The following CTNNA3 variants were observed in gnomAD, a reference collection of about 807,000 sequenced individuals.
The protein encoded by CTNNA3 is catenin alpha-3.
A neutral mutation model predicts 95.7 loss-of-function variants in CTNNA3; 76 were observed. The observed-to-expected ratio is 0.79, with a 90% confidence interval of 0.66 to 0.96. CTNNA3 has a LOEUF of 0.96. Among genes scored for constraint, CTNNA3 ranks in the 40% least tolerant of loss-of-function variants. The probability of loss-of-function intolerance (pLI) is 0.00; values close to 1 mark genes in which losing one functional copy is unlikely to be tolerated. For synonymous variants in CTNNA3, 431 were observed against 374.4 expected (o/e 1.15, Z -1.74); for missense variants, 1,191 against 1,089.8 (o/e 1.09, Z -1.31).
intron 7 of CTNNA3, among the ~76,000 whole-genome samples, chr10:66,981,699 G>T (rs558100900): frequency 6.6e-6 from 1 of 152,300 alleles, no homozygotes; most frequent in African/African-American, 2.4e-5. Context: ...ACATCAAATG[G>T]ATGGAACCTA....
At chr10:66,912,653 T>C (rs990073498) in intron 7 of CTNNA3, among the ~76,000 whole-genome samples, 1 of 152,154 alleles carries the variant, frequency 6.6e-6, no homozygotes, top group Non-Finnish European at 1.5e-5. Context: ...TATAGTAAGA[T>C]ATAACCCCCA....
intron 7 of CTNNA3, among the ~76,000 whole-genome samples, chr10:67,133,176 T>G (rs1055207123): frequency 2.6e-5 from 4 of 151,182 alleles, no homozygotes; most frequent in African/African-American, 7.3e-5. Context: ...AAAACTCATA[T>G]GTACTCCGTA....
At chr10:67,131,367 T>C (rs756017527) in intron 7 of CTNNA3, among the ~76,000 whole-genome samples, 21 of 152,134 alleles carry the variant, frequency 1.4e-4, no homozygotes, top group Non-Finnish European at 2.6e-4. Flanking sequence ...ATTGTTTTGG[T>C]TATCAAGCAA....
intron 13 of CTNNA3, among the ~76,000 whole-genome samples, chr10:66,226,890 A>G (rs988443836): frequency 3.9e-5 from 6 of 151,922 alleles, no homozygotes; most frequent in Non-Finnish European, 2.9e-5. Context: ...GAGACTAATT[A>G]TTTTTGCTCA....
rs554810912 is a variant in CTNNA3 at position 65,979,746 on chromosome 10, G to A, written c.2265+8946C>T. On this transcript the variant is annotated intron_variant, in intron 16 of 17. Transcript: ENST00000433211. Reference sequence around the variant, plus strand: ...ACACTGTTTCAGTGAAAAAATGTCAGACATTACATAAAGGGGAAAAGAGTA... The same window carrying A: ...ACACTGTTTCAGTGAAAAAATGTCAAACATTACATAAAGGGGAAAAGAGTA... 1.7e-4 allele frequency among the ~76,000 whole-genome samples: 26 copies of A among 152,118 alleles called. No individual in the cohort carries two copies. In the South Asian group the frequency reaches 5.2e-3, roughly 30 times the overall value.
intron 5 of CTNNA3, among the ~76,000 whole-genome samples, chr10:67,343,679 T>C (rs892804891): frequency 6.6e-6 from 1 of 151,978 alleles, no homozygotes; most frequent in Admixed American, 6.6e-5. Context: ...TTTCCAAATA[T>C]AAGATGATAT....
At chr10:66,242,264 A>T (rs1361508499) in intron 13 of CTNNA3, among the ~76,000 whole-genome samples, 6 of 152,212 alleles carry the variant, frequency 3.9e-5, no homozygotes, top group African/African-American at 1.4e-4. Context: ...TACCTGAAAC[A>T]ACAGAAAATA....
intron 12 of CTNNA3, among the ~76,000 whole-genome samples, chr10:66,360,743 TCTTC>T (rs779687190): frequency 0.34 from 13,060 of 38,234 alleles, 2,705 homozygotes; most frequent in African/African-American, 0.45. Flanking sequence ...TTTCTTTCTT[TCTTC>T]CTTCCTTCCT....
chr10:66,342,106 T>A (rs1401852662), intron 12 of CTNNA3, among the ~76,000 whole-genome samples: 52 of 152,032 alleles, frequency 3.4e-4, no homozygotes. Flanking sequence ...TTTCTAATTC[T>A]TAGTTGCATG....
chr10:67,288,651 G>A (rs2132461832), intron 5 of CTNNA3, among the ~76,000 whole-genome samples: 1 of 152,196 alleles, frequency 6.6e-6, no homozygotes, highest in African/African-American at 2.4e-5. Flanking sequence ...ACAATAAACT[G>A]CAAAAAATCA....
chr10:66,467,031 G>T (rs1911301), intron 11 of CTNNA3, among the ~76,000 whole-genome samples: 6 of 151,996 alleles, frequency 3.9e-5, no homozygotes, highest in African/African-American at 1.5e-4. Context: ...CTAGCACACA[G>T]TAGGCATGCA....
intron 12 of CTNNA3, among the ~76,000 whole-genome samples, chr10:66,320,781 A>G (rs2092172068): frequency 6.6e-6 from 1 of 152,190 alleles, no homozygotes; most frequent in South Asian, 2.1e-4. Context: ...AAGAGAAAAT[A>G]TTGCCAAATG....
chr10:67,001,659 G>C (rs1279839767), intron 7 of CTNNA3, among the ~76,000 whole-genome samples: 4 of 152,110 alleles, frequency 2.6e-5, no homozygotes, highest in Non-Finnish European at 4.4e-5. Flanking sequence ...GTTACCACAA[G>C]ACAACTTTAG....
At chr10:67,353,884 C>T (rs1441867947) in intron 5 of CTNNA3, among the ~76,000 whole-genome samples, 1 of 151,962 alleles carries the variant, frequency 6.6e-6, no homozygotes, top group East Asian at 1.9e-4. Flanking sequence ...AAAAATAAGT[C>T]TCAGCCACTG....
chr10:66,199,584 T>C (rs1446452208), intron 13 of CTNNA3, among the ~76,000 whole-genome samples: 2 of 150,708 alleles, frequency 1.3e-5, no homozygotes, highest in Non-Finnish European at 3.0e-5. Flanking sequence ...TCAGACCAAA[T>C]AGTTTGTTTG....
At position 66,281,722 on chromosome 10, in the gene CTNNA3, AT is replaced by A. The variant is rs1159038084; in HGVS notation, c.1733-1102del. ...TGTTATTTTTCTACATTTAAGTTGT[AT>A]CTGCTTGTATGGCATACCATCTCTT... On this transcript the variant is annotated intron_variant, in intron 12 of 17. Transcript: ENST00000433211. 2.6e-5 allele frequency among the ~76,000 whole-genome samples: 4 copies of A among 151,890 alleles called. No individual in the cohort carries two copies. In the East Asian group the frequency reaches 5.8e-4, roughly 22 times the overall value.
chr10:67,494,218 T>A (rs187139820), intron 5 of CTNNA3, among the ~76,000 whole-genome samples: 5 of 152,318 alleles, frequency 3.3e-5, no homozygotes, highest in Admixed American at 3.3e-4. Flanking sequence ...TGCTTTATAA[T>A]TTGAAAGTTG....
At chr10:67,698,997 G>A (rs1841011544), upstream of CTNNA3, among the ~76,000 whole-genome samples, 1 of 151,934 alleles carries the variant, frequency 6.6e-6, no homozygotes, top group East Asian at 1.9e-4. Context: ...CACTAACACC[G>A]AGCCTCATCT....
At chr10:67,392,917 G>A (rs1184268644) in intron 5 of CTNNA3, among the ~76,000 whole-genome samples, 1 of 152,090 alleles carries the variant, frequency 6.6e-6, no homozygotes, top group African/African-American at 2.4e-5. Context: ...GGGGTGGGGG[G>A]AAGCAGGAGG....
Sources: allele counts gnomAD v4.1 joint callset (sites outside exome capture counted in the v4.1 genomes callset), GRCh38; gene constraint gnomAD v4.1.1; transcripts MANE v1.5; gene names NCBI Gene and HGNC (gene_info 2026-07-23, HGNC 2026-07-21).